RPS6KA3: variants seen among roughly 807,000 people sequenced by gnomAD.
The protein encoded by RPS6KA3 is ribosomal protein S6 kinase A3, also known as ribosomal protein S6 kinase alpha-3.
A neutral mutation model predicts 67.2 loss-of-function variants in RPS6KA3; 4 were observed. The ratio of observed to expected loss-of-function variants is 0.06; its 90% CI spans 0.03 to 0.14. The LOEUF is 0.14. RPS6KA3 is among the 10% of genes least tolerant of loss of function. The pLI, the probability that RPS6KA3 is intolerant of heterozygous loss-of-function variation, is 1.00. For synonymous variants in RPS6KA3, 182 were observed against 183.7 expected (o/e 0.99, Z 0.07); for missense variants, 204 against 559.0 (o/e 0.36, Z 6.40).
At chrX:20,195,914 T>C (rs1338525756) in intron 4 of RPS6KA3, among the ~76,000 whole-genome samples, 1 of 112,230 alleles carries the variant, frequency 8.9e-6, no homozygotes, top group Non-Finnish European at 1.9e-5. Flanking sequence ...CTGGTATGTA[T>C]GAGATATTCA....
intron 2 of RPS6KA3, among the ~76,000 whole-genome samples, chrX:20,226,819 AT>A (rs1056647781): frequency 2.7e-5 from 3 of 110,935 alleles, no homozygotes; most frequent in Non-Finnish European, 5.7e-5. Flanking sequence ...CTTTCTCTTG[AT>A]TCATCAATTT....
chrX:20,186,261 T>C, intron 10 of RPS6KA3, 35 bp downstream of exon 10: 2 of 961,854 alleles, frequency 2.1e-6, no homozygotes, highest in Non-Finnish European at 3.0e-6. Context: ...TATTTTAAAA[T>C]CTCATCAAAA....
intron 10 of RPS6KA3, among the ~76,000 whole-genome samples, chrX:20,184,564 T>A (rs1291919912): frequency 1.8e-5 from 2 of 108,239 alleles, no homozygotes; most frequent in Non-Finnish European, 3.8e-5. Context: ...TGCCACCACA[T>A]CTGGCTAATT....
intron 1 of RPS6KA3, among the ~76,000 whole-genome samples, chrX:20,251,057 T>A (rs908683076): frequency 1.8e-5 from 2 of 112,186 alleles, no homozygotes; most frequent in Admixed American, 9.4e-5. Flanking sequence ...CTGAAGGATA[T>A]TGTCACTTGG....
chrX:20,218,738 G>GT, intron 2 of RPS6KA3: 1 of 752,165 alleles, frequency 1.3e-6, no homozygotes, highest in Non-Finnish European at 2.0e-6. Context: ...ACTAATTACT[G>GT]TAATTATAGT....
At chrX:20,164,492 T>C (rs2067388157) in intron 18 of RPS6KA3, among the ~76,000 whole-genome samples, 1 of 107,381 alleles carries the variant, frequency 9.3e-6, no homozygotes, top group African/African-American at 3.4e-5. Flanking sequence ...GGTCAAGTGA[T>C]CCTCCTACCT....
rs1031731349 is a variant in RPS6KA3, at chrX:20,188,594, C to A, written c.594-60G>T. The A allele has an allele frequency of 1.0e-5, 6 of 596,469 alleles. No individual in the cohort carries two copies. The African/African-American group carries it at 1.4e-4, about 13-fold the overall frequency. The allele number at this position is 596,469 out of a possible 1,213,427, so 49.2% of individuals were successfully genotyped here. A position where few individuals can be genotyped will look rare whatever the true frequency, so the allele number is the denominator to read the frequency against. The stretch of plus-strand genomic sequence containing the variant: ...AAATAGAGATTTATAGAAGCTAAGA[C>A]TGAAATTACATCCTTAAGCATCAGA... On this transcript the variant is annotated intron_variant, in intron 7 of 21. Coordinates refer to ENST00000379565, the MANE Select transcript of RPS6KA3 (RefSeq NM_004586.3).
At chrX:20,188,188 C>T (rs2068033901) in intron 8 of RPS6KA3, among the ~76,000 whole-genome samples, 1 of 111,352 alleles carries the variant, frequency 9.0e-6, no homozygotes, top group Admixed American at 9.6e-5. Context: ...ATTCTCCTGC[C>T]TCAGCCTCCC....
At chrX:20,203,756 C>T in intron 4 of RPS6KA3, 1 of 275,321 alleles carries the variant, frequency 3.6e-6, no homozygotes, top group Non-Finnish European at 6.4e-6. Flanking sequence ...TGAATCAAAC[C>T]CAGTTTTAAT....
intron 13 of RPS6KA3, 104 bp downstream of exon 13, chrX:20,176,146 C>G (rs1051003808): frequency 3.6e-6 from 2 of 555,545 alleles, no homozygotes; most frequent in Admixed American, 2.6e-5. Context: ...GCTGGGATTA[C>G]AAGTGTGAGC....
At chrX:20,189,669 C>A (rs1026154923) in intron 7 of RPS6KA3, among the ~76,000 whole-genome samples, 4 of 111,940 alleles carry the variant, frequency 3.6e-5, no homozygotes, top group Non-Finnish European at 7.5e-5. Flanking sequence ...TTGCACCAAC[C>A]TAATATTTCT....
At chrX:20,196,431 G>A (rs2068273744) in intron 4 of RPS6KA3, among the ~76,000 whole-genome samples, 1 of 112,148 alleles carries the variant, frequency 8.9e-6, no homozygotes, top group Admixed American at 9.4e-5. Flanking sequence ...AGGACAGACA[G>A]GTAAATAAAT....
intron 2 of RPS6KA3, 48 bp from the exon 3 acceptor site, chrX:20,209,452 T>A: frequency 1.6e-6 from 1 of 643,382 alleles, no homozygotes; most frequent in East Asian, 3.2e-5. Context: ...CCAGAGCTAT[T>A]TTCTCCCGCT....
intron 1 of RPS6KA3, among the ~76,000 whole-genome samples, chrX:20,264,826 T>G (rs1361126473): frequency 8.9e-6 from 1 of 112,361 alleles, no homozygotes; most frequent in Non-Finnish European, 1.9e-5. Context: ...CAAATTTAAT[T>G]TCTTTCCACA....
chrX:20,248,469 T>C (rs186713085), intron 1 of RPS6KA3, among the ~76,000 whole-genome samples: 2 of 111,314 alleles, frequency 1.8e-5, no homozygotes, highest in Admixed American at 9.5e-5. Context: ...ATAGACACTT[T>C]AATGCTTTTT....
chrX:20,236,057 C>T (rs1178721118), intron 1 of RPS6KA3, among the ~76,000 whole-genome samples: 4 of 110,616 alleles, frequency 3.6e-5, no homozygotes, highest in Non-Finnish European at 7.6e-5. Context: ...AAGCAGTCTA[C>T]AAAACAATAT....
At chrX:20,247,313 C>A (rs1235355894) in intron 1 of RPS6KA3, among the ~76,000 whole-genome samples, 3 of 110,309 alleles carry the variant, frequency 2.7e-5, no homozygotes, top group African/African-American at 9.9e-5. Flanking sequence ...CTCGAGTAGT[C>A]CCAGGTACTC....
chrX:20,228,656 T>A (rs1214249018), intron 2 of RPS6KA3, among the ~76,000 whole-genome samples: 3 of 111,520 alleles, frequency 2.7e-5, no homozygotes, highest in Non-Finnish European at 5.7e-5. Context: ...TACGTCCATG[T>A]TCCACAGTAC....
intron 13 of RPS6KA3, among the ~76,000 whole-genome samples, chrX:20,175,548 T>C (rs2067678666): frequency 9.0e-6 from 1 of 111,564 alleles, no homozygotes; most frequent in Non-Finnish European, 1.9e-5. Flanking sequence ...CATCGATGAA[T>C]TATAGGGTTA....
Sources: gnomAD v4.1 joint callset for allele counts (sites outside exome capture counted in the v4.1 genomes callset) on GRCh38, gnomAD v4.1.1 for gene constraint, MANE v1.5 for transcripts, NCBI Gene and HGNC (gene_info 2026-07-23, HGNC 2026-07-21) for gene names.